The following ATRNL1 variants were observed in gnomAD, a reference collection of about 807,000 sequenced individuals.
ATRNL1 encodes the protein attractin-like protein 1.
In ATRNL1, 95 loss-of-function variants were observed where a neutral mutation model predicts 182.7. That is an observed-to-expected ratio of 0.52 (90% CI 0.44 to 0.62). ATRNL1 has a LOEUF of 0.62. ATRNL1 is among the 20% of genes least tolerant of loss of function. The pLI is 0.00. For synonymous variants in ATRNL1, 576 were observed against 568.3 expected (o/e 1.01, Z -0.19); for missense variants, 1,471 against 1,679.5 (o/e 0.88, Z 2.17).
intron 28 of ATRNL1, among the ~76,000 whole-genome samples, chr10:115,934,796 AAATC>A (rs1953506667): frequency 6.6e-6 from 1 of 152,156 alleles, no homozygotes; most frequent in African/African-American, 2.4e-5. Context: ...TGCAGATTAA[AAATC>A]AAAGTCCTAG....
intron 12 of ATRNL1, among the ~76,000 whole-genome samples, chr10:115,267,256 A>C (rs1554911162): frequency 6.6e-6 from 1 of 150,776 alleles, no homozygotes; most frequent in East Asian, 1.9e-4. Flanking sequence ...ATTGTCATAT[A>C]TATGAATTAT....
intron 28 of ATRNL1, among the ~76,000 whole-genome samples, chr10:115,940,196 G>A (rs2134619784): frequency 6.6e-6 from 1 of 152,298 alleles, no homozygotes; most frequent in East Asian, 1.9e-4. Context: ...TGTGGGAGCT[G>A]TAGACAGACT....
intron 27 of ATRNL1, among the ~76,000 whole-genome samples, chr10:115,793,702 A>G (rs1436336663): frequency 2.0e-5 from 3 of 152,138 alleles, no homozygotes; most frequent in Non-Finnish European, 4.4e-5. Context: ...ACTACCCACT[A>G]TATTTATGTA....
chr10:115,181,902 A>G (rs1326899141), intron 8 of ATRNL1, among the ~76,000 whole-genome samples: 1 of 151,680 alleles, frequency 6.6e-6, no homozygotes, highest in Non-Finnish European at 1.5e-5. Flanking sequence ...GATCTTTCGC[A>G]GTAATTAGAC....
intron 27 of ATRNL1, among the ~76,000 whole-genome samples, chr10:115,787,676 G>A (rs570403861): frequency 7.9e-5 from 12 of 151,944 alleles, no homozygotes; most frequent in African/African-American, 2.7e-4. Flanking sequence ...TTTGTTGTTG[G>A]CTAAAAAAAA....
intron 18 of ATRNL1, among the ~76,000 whole-genome samples, chr10:115,318,258 A>G (rs993460778): frequency 2.0e-5 from 3 of 152,084 alleles, no homozygotes; most frequent in African/African-American, 7.2e-5. Flanking sequence ...TCTGGTGGAT[A>G]AGTATTTTGA....
intron 5 of ATRNL1, among the ~76,000 whole-genome samples, chr10:115,156,926 G>A (rs1554882251): frequency 6.6e-6 from 1 of 152,102 alleles, no homozygotes; most frequent in African/African-American, 2.4e-5. Context: ...TGGAGGTAGA[G>A]TAGAATGATG....
chr10:115,615,794 C>CAGT (rs1857397066), intron 26 of ATRNL1, among the ~76,000 whole-genome samples: 1 of 152,208 alleles, frequency 6.6e-6, no homozygotes, highest in Non-Finnish European at 1.5e-5. Context: ...CAGATGCTGC[C>CAGT]AGTCTTCCTG....
chr10:115,794,650 A>G (rs1949608125), intron 27 of ATRNL1, among the ~76,000 whole-genome samples: 1 of 152,152 alleles, frequency 6.6e-6, no homozygotes, highest in South Asian at 2.1e-4. Flanking sequence ...TAGTGGTGAT[A>G]TTCACTTCAG....
At chr10:115,523,901 G>A (rs534757553) in intron 25 of ATRNL1, among the ~76,000 whole-genome samples, 4 of 152,266 alleles carry the variant, frequency 2.6e-5, no homozygotes, top group African/African-American at 9.6e-5. Context: ...TTGCATTGCT[G>A]TAAAAGAATA....
At chr10:115,369,577 G>A (rs1857277864) in intron 19 of ATRNL1, among the ~76,000 whole-genome samples, 1 of 152,020 alleles carries the variant, frequency 6.6e-6, no homozygotes, top group East Asian at 1.9e-4. Flanking sequence ...ATTTTCCTTG[G>A]ATATATATAC....
At chr10:115,123,882 G>T (rs1554872504) in intron 3 of ATRNL1, among the ~76,000 whole-genome samples, 1 of 151,802 alleles carries the variant, frequency 6.6e-6, no homozygotes, top group Non-Finnish European at 1.5e-5. Context: ...AGGGATCTAG[G>T]TTGCTCATTC....
intron 9 of ATRNL1, among the ~76,000 whole-genome samples, chr10:115,234,993 A>T (rs549569508): frequency 6.6e-6 from 1 of 152,226 alleles, no homozygotes; most frequent in African/African-American, 2.4e-5. Flanking sequence ...GAGTTTGGGT[A>T]TCTTTTCCTG....
chr10:115,862,257 TA>T (rs1476041848), intron 28 of ATRNL1, among the ~76,000 whole-genome samples: 1 of 152,256 alleles, frequency 6.6e-6, no homozygotes, highest in Non-Finnish European at 1.5e-5. Context: ...GCCAAATTTT[TA>T]AACTTATTGC....
intron 5 of ATRNL1, among the ~76,000 whole-genome samples, chr10:115,154,425 T>C (rs990880220): frequency 1.3e-5 from 2 of 152,116 alleles, no homozygotes; most frequent in African/African-American, 4.8e-5. Context: ...TTAGGATAGT[T>C]AGCTCTTCTT....
chr10:115,199,800 A>C (rs1199401668), intron 8 of ATRNL1, among the ~76,000 whole-genome samples: 3 of 152,130 alleles, frequency 2.0e-5, no homozygotes, highest in Admixed American at 6.6e-5. Context: ...TCAGTAAACT[A>C]TTTTCAAGAA....
At chr10:115,740,568 C>T (rs1212878688) in intron 27 of ATRNL1, among the ~76,000 whole-genome samples, 2 of 152,066 alleles carry the variant, frequency 1.3e-5, no homozygotes, top group African/African-American at 4.8e-5. Flanking sequence ...TGCAGTGGCA[C>T]AATCTTGGCT....
chr10:115,526,310 T>G (rs1430398856), intron 25 of ATRNL1, among the ~76,000 whole-genome samples: 1 of 152,186 alleles, frequency 6.6e-6, no homozygotes, highest in Non-Finnish European at 1.5e-5. Context: ...TTGGCATTTC[T>G]GCTATCAGTC....
At chr10:115,805,345 C>G (rs933268465) in intron 27 of ATRNL1, among the ~76,000 whole-genome samples, 4 of 152,156 alleles carry the variant, frequency 2.6e-5, no homozygotes, top group African/African-American at 9.7e-5. Context: ...ATGACTTTTA[C>G]ATTTCTTTAC....
Sources: gnomAD v4.1 joint callset for allele counts (sites outside exome capture counted in the v4.1 genomes callset) on GRCh38, gnomAD v4.1.1 for gene constraint, MANE v1.5 for transcripts, NCBI Gene and HGNC (gene_info 2026-07-23, HGNC 2026-07-21) for gene names.